Variants in FRMPD1 observed in about 807,000 individuals in gnomAD.
FRMPD1 encodes the protein FERM and PDZ domain containing 1, also known as FERM and PDZ domain-containing protein 1.
FRMPD1 carries 76 observed loss-of-function variants against 117.8 expected under a neutral mutation model. The observed-to-expected ratio is 0.65, with a 90% CI of 0.54 to 0.78. The LOEUF is 0.78. Ranked by LOEUF, FRMPD1 falls within the 30% of genes least tolerant of loss-of-function variation. The pLI, the probability that FRMPD1 is intolerant of heterozygous loss-of-function variation, is 0.00. For synonymous variants in FRMPD1, 783 were observed against 770.4 expected (o/e 1.02, Z -0.27); for missense variants, 1,786 against 1,964.5 (o/e 0.91, Z 1.72).
At chr9:37,689,767 T>C (rs1162218352) in intron 1 of FRMPD1, among the ~76,000 whole-genome samples, 3 of 152,190 alleles carry the variant, frequency 2.0e-5, no homozygotes. Flanking sequence ...TTGTACTTGA[T>C]TGGTAGTTTG....
At chr9:37,638,009 T>TCTCTCTC in the FRMPD1 span, among the ~76,000 whole-genome samples, 4 of 126,628 alleles carry the variant, frequency 3.2e-5, no homozygotes, top group African/African-American at 5.8e-5. Context: ...TCTTTCTTTC[T>TCTCTCTC]TTCTTTCTTT....
chr9:37,712,241 C>T (rs1822933964), intron 5 of FRMPD1, among the ~76,000 whole-genome samples: 1 of 152,064 alleles, frequency 6.6e-6, no homozygotes, highest in African/African-American at 2.4e-5. Flanking sequence ...AATTAAAAAC[C>T]ATTCAGCCAT....
chr9:37,679,928 G>GC (rs1163521617), intron 1 of FRMPD1, among the ~76,000 whole-genome samples: 1 of 152,184 alleles, frequency 6.6e-6, no homozygotes, highest in Non-Finnish European at 1.5e-5. Flanking sequence ...GTGATGTGAG[G>GC]CCTTACAGAT....
the FRMPD1 span, among the ~76,000 whole-genome samples, chr9:37,620,673 C>T: frequency 6.6e-6 from 1 of 151,960 alleles, no homozygotes; most frequent in African/African-American, 2.4e-5. Context: ...TTATTGTATC[C>T]TTTTCATGTG....
intron 2 of FRMPD1, among the ~76,000 whole-genome samples, chr9:37,701,952 T>C (rs892000231): frequency 6.6e-6 from 1 of 152,080 alleles, no homozygotes; most frequent in Admixed American, 6.6e-5. Flanking sequence ...TTGTGAGTGA[T>C]TTGAAGGATA....
At chr9:37,717,595 G>C (rs557446651) in intron 5 of FRMPD1, among the ~76,000 whole-genome samples, 1 of 152,020 alleles carries the variant, frequency 6.6e-6, no homozygotes, top group Non-Finnish European at 1.5e-5. Context: ...GGCCAGGCTA[G>C]TCTCAAACTC....
chr9:37,737,645 G>A (rs1824195775), intron 14 of FRMPD1, among the ~76,000 whole-genome samples: 1 of 152,000 alleles, frequency 6.6e-6, no homozygotes, highest in Non-Finnish European at 1.5e-5. Flanking sequence ...CCAACATGGT[G>A]AAACCTCATC....
rs1317715055 is a variant in FRMPD1, at chr9:37,669,984, ACTCT to A, written c.-5+18896_-5+18899del. The A allele has an allele frequency of 2.7e-5, 4 of 148,986 alleles. No individual in the cohort carries two copies. The East Asian group carries it at 7.8e-4, about 29-fold the overall frequency. 9.2% of individuals were successfully genotyped at this position (148,986 alleles called of 1,614,324 possible). A position where few individuals can be genotyped will look rare whatever the true frequency, so the allele number is the denominator to read the frequency against. On this transcript the variant is annotated intron_variant, in intron 1 of 15. Coordinates refer to ENST00000377765, the MANE Select transcript of FRMPD1 (RefSeq NM_014907.3). ...CTCCAGCCTGGGCAACAAGAGCAAA[ACTCT>A]CTCTCAAAAAAAAAAAAAGAAAAGA...
At chr9:37,699,882 C>A (rs1291221404) in intron 2 of FRMPD1, among the ~76,000 whole-genome samples, 1 of 152,120 alleles carries the variant, frequency 6.6e-6, no homozygotes, top group Non-Finnish European at 1.5e-5. Flanking sequence ...CAGGCACACA[C>A]ATGCACATGT....
intron 1 of FRMPD1, among the ~76,000 whole-genome samples, chr9:37,654,937 C>A (rs960179467): frequency 1.3e-5 from 2 of 152,158 alleles, no homozygotes; most frequent in Non-Finnish European, 2.9e-5. Context: ...GCTACAACTT[C>A]GGGGACATTG....
intron 1 of FRMPD1, among the ~76,000 whole-genome samples, chr9:37,651,474 C>G (rs770261737): frequency 6.6e-6 from 1 of 152,232 alleles, no homozygotes; most frequent in Non-Finnish European, 1.5e-5. Context: ...CACACCTGAA[C>G]CAGAAGGGGT....
chr9:37,724,376 AC>A (rs1393045077), intron 7 of FRMPD1, 56 bp downstream of exon 7: 6 of 922,878 alleles, frequency 6.5e-6, no homozygotes, highest in South Asian at 1.4e-5. Context: ...GGCTGCTAGG[AC>A]CCCCCAGGCA....
Position 37,735,648 on chromosome 9 carries a change from G to T in FRMPD1, c.1315G>T (p.Ala439Ser). 6.2e-7 allele frequency: 1 copy of T among 1,613,852 alleles called. No homozygotes were observed. The highest frequency in any genetic ancestry group is 8.5e-7 in the Non-Finnish European group (1 of 1,179,776). Reference sequence around the variant, plus strand: ...CAAACTCAACATCATGTCCACATTGGCAGAGTTTGCAAACATCAGCCGTGT... The same window carrying T: ...CAAACTCAACATCATGTCCACATTGTCAGAGTTTGCAAACATCAGCCGTGT... ...NSKLNIMSTLAEFANISRVEL... is the reference protein window; with the variant it reads ...NSKLNIMSTLSEFANISRVEL... Residue 439 changes from alanine (A) to serine (S), a missense_variant, in exon 13 of 16, where the codon GCA (alanine) becomes TCA (serine). By Grantham distance (99) the Ala-to-Ser change is moderately conservative. Coordinates refer to ENST00000377765, the MANE Select transcript of FRMPD1 (RefSeq NM_014907.3).
intron 1 of FRMPD1, among the ~76,000 whole-genome samples, chr9:37,688,251 A>G (rs1007488263): frequency 6.6e-6 from 1 of 150,706 alleles, no homozygotes; most frequent in Non-Finnish European, 1.5e-5. Context: ...TATATATTTA[A>G]GCCAATAATT....
intron 2 of FRMPD1, among the ~76,000 whole-genome samples, chr9:37,704,869 A>G (rs1223286314): frequency 6.6e-6 from 1 of 151,772 alleles, no homozygotes; most frequent in Non-Finnish European, 1.5e-5. Flanking sequence ...CCAGGAACCC[A>G]GCATAACTTT....
chr9:37,658,104 C>G (rs1820893345), intron 1 of FRMPD1, among the ~76,000 whole-genome samples: 1 of 152,154 alleles, frequency 6.6e-6, no homozygotes, highest in Non-Finnish European at 1.5e-5. Flanking sequence ...GCCCCCACAT[C>G]TTCACTTCTT....
chr9:37,648,893 G>C (rs1820586168), upstream of FRMPD1, among the ~76,000 whole-genome samples: 1 of 152,160 alleles, frequency 6.6e-6, no homozygotes, highest in Non-Finnish European at 1.5e-5. Flanking sequence ...GAAGACAGAA[G>C]GTTTGGCTGA....
chr9:37,671,321 T>C (rs1821343906), intron 1 of FRMPD1, among the ~76,000 whole-genome samples: 2 of 152,232 alleles, frequency 1.3e-5, no homozygotes, highest in South Asian at 4.1e-4. Flanking sequence ...TTGAATGTCA[T>C]GAATATTTAA....
rs142799227 is a variant in FRMPD1 at position 37,691,146 on chromosome 9, G to T, written c.-4-1492G>T. On this transcript the variant is annotated intron_variant, in intron 1 of 15. Transcript: ENST00000377765. Reference sequence around the variant, plus strand: ...AAGAGGTCTTGTCATTCAGTTAGAAGAGTTTTACTTACTTCTTCTATTTTA... The same window carrying T: ...AAGAGGTCTTGTCATTCAGTTAGAATAGTTTTACTTACTTCTTCTATTTTA... 2.6e-5 allele frequency among the ~76,000 whole-genome samples: 4 copies of T among 152,328 alleles called. No individual in the cohort carries two copies. The East Asian group carries it at 7.7e-4, about 29-fold the overall frequency.
Sources: allele counts gnomAD v4.1 joint callset (sites outside exome capture counted in the v4.1 genomes callset), GRCh38; gene constraint gnomAD v4.1.1; transcripts MANE v1.5; gene names NCBI Gene and HGNC (gene_info 2026-07-23, HGNC 2026-07-21).